Variants in KAZN observed in about 807,000 individuals in gnomAD.
KAZN encodes the protein kazrin, periplakin interacting protein.
Under a neutral mutation model 87.4 loss-of-function variants are expected in KAZN, and 40 were observed. The ratio of observed to expected loss-of-function variants is 0.46; its 90% confidence interval spans 0.36 to 0.60. The LOEUF is 0.60. KAZN is among the 20% of genes least tolerant of loss of function. The pLI is 0.00. For synonymous variants in KAZN, 466 were observed against 458.3 expected (o/e 1.02, Z -0.22); for missense variants, 898 against 1,073.9 (o/e 0.84, Z 2.29).
At chr1:15,027,144 C>T (rs568782370) in intron 2 of KAZN, among the ~76,000 whole-genome samples, 19 of 125,528 alleles carry the variant, frequency 1.5e-4, no homozygotes, top group Non-Finnish European at 2.0e-4. Context: ...TGCAGTGGCG[C>T]GATCTCGGCT....
intron 1 of KAZN, among the ~76,000 whole-genome samples, chr1:14,958,353 ACTT>A (rs1212689934): frequency 6.6e-6 from 1 of 152,032 alleles, no homozygotes; most frequent in African/African-American, 2.4e-5. Context: ...TATACAGGGC[ACTT>A]CTTGGGTACA....
intron 1 of KAZN, among the ~76,000 whole-genome samples, chr1:14,174,436 G>A (rs1303404061): frequency 1.3e-5 from 2 of 152,162 alleles, no homozygotes; most frequent in Admixed American, 6.5e-5. Context: ...GGTCTTTATG[G>A]CTCAGGGTTT....
chr1:14,780,572 G>C (rs1433967225), intron 1 of KAZN, among the ~76,000 whole-genome samples: 1 of 152,164 alleles, frequency 6.6e-6, no homozygotes, highest in Non-Finnish European at 1.5e-5. Flanking sequence ...CCATAGGGTT[G>C]GTGTGAAAAT....
intron 2 of KAZN, among the ~76,000 whole-genome samples, chr1:14,568,342 C>T (rs927957553): frequency 6.6e-6 from 1 of 152,124 alleles, no homozygotes; most frequent in Non-Finnish European, 1.5e-5. Context: ...GAGAACATAG[C>T]TGTATTAGTC....
intron 2 of KAZN, among the ~76,000 whole-genome samples, chr1:14,227,712 T>C (rs72644420): frequency 0.04 from 6,019 of 152,260 alleles, 185 homozygotes; most frequent in East Asian, 0.097. Flanking sequence ...GTCAGAGAAT[T>C]TGTAGTCATG....
intron 1 of KAZN, among the ~76,000 whole-genome samples, chr1:14,934,062 A>C (rs892246149): frequency 1.3e-5 from 2 of 149,614 alleles, no homozygotes; most frequent in Non-Finnish European, 3.0e-5. Flanking sequence ...TCACCGTGTT[A>C]TCCAGGATGG....
intron 1 of KAZN, among the ~76,000 whole-genome samples, chr1:14,880,558 A>G (rs1653228258): frequency 6.6e-6 from 1 of 152,140 alleles, no homozygotes; most frequent in South Asian, 2.1e-4. Context: ...GGGAGGAATC[A>G]AATGGTTGGG....
intron 1 of KAZN, among the ~76,000 whole-genome samples, chr1:14,659,867 C>A (rs2148712465): frequency 6.7e-6 from 1 of 149,334 alleles, no homozygotes; most frequent in African/African-American, 2.5e-5. Context: ...ATCTTCAAAA[C>A]AATACACATT....
chr1:14,324,825 A>G (rs1656294588), intron 2 of KAZN, among the ~76,000 whole-genome samples: 1 of 152,218 alleles, frequency 6.6e-6, no homozygotes, highest in African/African-American at 2.4e-5. Flanking sequence ...GGCTGCAAAT[A>G]TAGATGTTCT....
chr1:13,901,099 T>C (rs1570225344), intron 1 of KAZN, among the ~76,000 whole-genome samples: 1 of 151,942 alleles, frequency 6.6e-6, no homozygotes, highest in Middle Eastern at 3.4e-3. Flanking sequence ...CTTTTCTTGA[T>C]TCCCAAGGCC....
chr1:14,985,417 A>T (rs1666705332), intron 2 of KAZN, among the ~76,000 whole-genome samples: 1 of 151,686 alleles, frequency 6.6e-6, no homozygotes, highest in Non-Finnish European at 1.5e-5. Flanking sequence ...CTGTGGTCCC[A>T]CACTCTGGGG....
chr1:14,768,878 C>T (rs565848535), intron 1 of KAZN, among the ~76,000 whole-genome samples: 38 of 152,338 alleles, frequency 2.5e-4, no homozygotes, highest in Non-Finnish European at 4.6e-4. Flanking sequence ...GCCGGAGATT[C>T]GCGCCATGTG....
chr1:14,239,777 T>A (rs768110338), intron 2 of KAZN, among the ~76,000 whole-genome samples: 137 of 152,116 alleles, frequency 9.0e-4, no homozygotes, highest in Non-Finnish European at 1.8e-3. Context: ...GTTCTATAGA[T>A]CATTCATTTT....
chr1:14,533,774 G>C (rs1274911459), intron 2 of KAZN, among the ~76,000 whole-genome samples: 1 of 152,030 alleles, frequency 6.6e-6, no homozygotes, highest in East Asian at 1.9e-4. Flanking sequence ...CTCTCCTTTT[G>C]ATAAATGACT....
intron 1 of KAZN, among the ~76,000 whole-genome samples, chr1:14,129,670 G>A (rs569553150): frequency 6.6e-6 from 1 of 152,268 alleles, no homozygotes; most frequent in African/African-American, 2.4e-5. Context: ...TCTCGTGATG[G>A]GTGTTACACT....
At chr1:14,180,382 T>C in intron 1 of KAZN, 1 of 1,509,426 alleles carries the variant, frequency 6.6e-7, no homozygotes, top group East Asian at 2.5e-5. Context: ...AGTCAATTTC[T>C]CTTTGAAAGT....
At chr1:13,905,782 AGTTT>A (rs1035840729) in intron 1 of KAZN, among the ~76,000 whole-genome samples, 2 of 151,946 alleles carry the variant, frequency 1.3e-5, no homozygotes, top group Non-Finnish European at 2.9e-5. Flanking sequence ...TTTTTTTGTT[AGTTT>A]GTTTTGTGGA....
intron 2 of KAZN, among the ~76,000 whole-genome samples, chr1:14,514,597 A>T (rs1265383183): frequency 7.9e-5 from 3 of 37,864 alleles, no homozygotes; most frequent in East Asian, 2.7e-3. Flanking sequence ...TTTATATTTT[A>T]TATATATATA....
chr1:14,639,096 G>A (rs746420786), intron 1 of KAZN, among the ~76,000 whole-genome samples: 2 of 152,130 alleles, frequency 1.3e-5, no homozygotes, highest in Non-Finnish European at 1.5e-5. Flanking sequence ...CTTTTCTTCC[G>A]TGCACCCTTG....
Sources: gnomAD v4.1 joint callset for allele counts (sites outside exome capture counted in the v4.1 genomes callset) on GRCh38, gnomAD v4.1.1 for gene constraint, MANE v1.5 for transcripts, NCBI Gene and HGNC (gene_info 2026-07-23, HGNC 2026-07-21) for gene names.